The following DNAH14 variants were observed in gnomAD, a reference collection of about 807,000 sequenced individuals.
The protein encoded by DNAH14 is dynein axonemal heavy chain 14.
A neutral mutation model predicts 520.9 loss-of-function variants in DNAH14; 478 were observed. The observed-to-expected ratio is 0.92, with a 90% CI of 0.85 to 0.99. DNAH14 has a LOEUF of 0.99. DNAH14 is among the 50% of genes least tolerant of loss of function. The probability of loss-of-function intolerance (pLI) is 0.00; values close to 1 mark genes in which losing one functional copy is unlikely to be tolerated. For missense variants in DNAH14, 4,831 were observed against 5,234.5 expected, an observed-to-expected ratio of 0.92 and a Z score of 2.38; for synonymous variants, 1,581 against 1,757.2, an observed-to-expected ratio of 0.90 and a Z score of 2.51.
At chr1:224,941,719 C>T (rs1196434189) in intron 1 of DNAH14, among the ~76,000 whole-genome samples, 3 of 152,184 alleles carry the variant, frequency 2.0e-5, no homozygotes, top group African/African-American at 7.2e-5. Flanking sequence ...TTTCAGCTTT[C>T]TACATATGGC....
intron 17 of DNAH14, among the ~76,000 whole-genome samples, chr1:225,074,935 T>G (rs554612821): frequency 5.4e-4 from 82 of 152,312 alleles, no homozygotes; most frequent in Middle Eastern, 3.4e-3. Context: ...TATCACTGCT[T>G]GGTGCCCTGG....
At chr1:225,366,806 C>A (rs1326485323) in intron 76 of DNAH14, among the ~76,000 whole-genome samples, 2 of 116,286 alleles carry the variant, frequency 1.7e-5, no homozygotes, top group African/African-American at 5.3e-5. Flanking sequence ...GAGACCTCCT[C>A]TTTTCCCCGA....
chr1:225,197,814 A>G (rs565727949), intron 38 of DNAH14, among the ~76,000 whole-genome samples: 5 of 152,020 alleles, frequency 3.3e-5, no homozygotes, highest in Non-Finnish European at 7.4e-5. Context: ...AAAGGTGTTG[A>G]GTTCTTGATT....
At chr1:225,262,180 C>G (rs1431519120) in intron 46 of DNAH14, among the ~76,000 whole-genome samples, 1 of 149,608 alleles carries the variant, frequency 6.7e-6, no homozygotes, top group Non-Finnish European at 1.5e-5. Context: ...ATTTGCCTGC[C>G]TTTTAATGGG....
chr1:225,336,697 G>A (rs900565365), intron 66 of DNAH14, among the ~76,000 whole-genome samples: 2 of 152,100 alleles, frequency 1.3e-5, no homozygotes, highest in Non-Finnish European at 2.9e-5. Flanking sequence ...GCCAAAATTG[G>A]CCATATAACA....
intron 36 of DNAH14, among the ~76,000 whole-genome samples, chr1:225,178,647 G>T (rs888316238): frequency 6.6e-6 from 1 of 152,192 alleles, no homozygotes; most frequent in Non-Finnish European, 1.5e-5. Flanking sequence ...AGGCAGATGA[G>T]ACTTGCCTCT....
rs1348894761 is a variant in DNAH14, at chr1:224,929,843, C to A, written c.-34+8C>A. 2 of 683,262 alleles carry A rather than the reference C, an allele frequency of 2.9e-6. No individual in the cohort carries two copies. Among genetic ancestry groups the A allele is most frequent in the Admixed American group, 2.1e-5 (1 of 48,688 alleles). 42.3% of individuals were successfully genotyped at this position (683,262 alleles called of 1,614,324 possible). Reference sequence around the variant, plus strand: ...CGGACCACGGCGCGGCGGGTAAGGTCGTCAGCGTCTTCCTGTCAGCGGTCG... The same window carrying A: ...CGGACCACGGCGCGGCGGGTAAGGTAGTCAGCGTCTTCCTGTCAGCGGTCG... On this transcript the variant is annotated splice_region_variant and intron_variant, in intron 1 of 85. Transcript: ENST00000682510.
chr1:225,381,619 G>C (rs2095784856), intron 81 of DNAH14, 40 bp downstream of exon 81: 1 of 1,422,882 alleles, frequency 7.0e-7, no homozygotes, highest in South Asian at 1.4e-5. Flanking sequence ...TTGCTTGCTT[G>C]AAATAAATGT....
chr1:225,146,224 G>A (rs1022819843), intron 30 of DNAH14, among the ~76,000 whole-genome samples: 4 of 151,894 alleles, frequency 2.6e-5, no homozygotes, highest in South Asian at 2.1e-4. Flanking sequence ...GCCCCCAAAC[G>A]TCCCATGAAC....
intron 1 of DNAH14, among the ~76,000 whole-genome samples, chr1:224,942,871 A>G (rs1285141728): frequency 6.6e-6 from 1 of 152,252 alleles, no homozygotes; most frequent in East Asian, 1.9e-4. Flanking sequence ...ATCATGGTGG[A>G]TAAGCTTTTT....
Position 225,079,344 on chromosome 1 carries a change from A to G in DNAH14, c.2562A>G (p.Leu854=). Residue 854 remains leucine (L), a synonymous_variant, in exon 18 of 86, where the codon CTA becomes CTG. Coordinates refer to ENST00000682510, the MANE Select transcript of DNAH14 (RefSeq NM_001367479.1). The part of the protein sequence containing the change: ...LEKEFLTMSQ[L]YSVAKHHQIH... Reference sequence around the variant, plus strand: ...AAGAGTTCTTAACAATGTCTCAGCTATATTCTGTTGCAAAGCATCACCAGA... The same window carrying G: ...AAGAGTTCTTAACAATGTCTCAGCTGTATTCTGTTGCAAAGCATCACCAGA... 1 of 1,550,894 alleles carries G rather than the reference A, an allele frequency of 6.4e-7. No homozygotes were observed. Among genetic ancestry groups the G allele is most frequent in the Non-Finnish European group, 8.7e-7 (1 of 1,146,772 alleles).
chr1:225,243,924 G>A (rs531345469), intron 43 of DNAH14, among the ~76,000 whole-genome samples: 5 of 151,736 alleles, frequency 3.3e-5, no homozygotes, highest in East Asian at 3.9e-4. Flanking sequence ...GCATTGTGCC[G>A]GTTTTCAAAG....
intron 10 of DNAH14, among the ~76,000 whole-genome samples, chr1:225,016,298 C>T (rs146711533): frequency 1.3e-5 from 2 of 152,264 alleles, no homozygotes; most frequent in Non-Finnish European, 2.9e-5. Flanking sequence ...ATTTATTCTT[C>T]ATTTCAGAAG....
At chr1:225,039,692 T>C (rs2067273656) in intron 12 of DNAH14, among the ~76,000 whole-genome samples, 1 of 151,122 alleles carries the variant, frequency 6.6e-6, no homozygotes, top group Non-Finnish European at 1.5e-5. Context: ...TTGGTAAAAG[T>C]AGCCTTGTAC....
At chr1:225,215,342 T>C (rs977998945) in intron 41 of DNAH14, among the ~76,000 whole-genome samples, 2 of 152,202 alleles carry the variant, frequency 1.3e-5, no homozygotes, top group East Asian at 3.9e-4. Flanking sequence ...TGGTAAATTT[T>C]GGAATAAATG....
chr1:225,062,408 G>A (rs538709138), intron 17 of DNAH14, among the ~76,000 whole-genome samples: 1 of 152,224 alleles, frequency 6.6e-6, no homozygotes, highest in African/African-American at 2.4e-5. Flanking sequence ...TTGAAATCAG[G>A]GAAACAAGTG....
chr1:225,049,760 G>A (rs1300047334), intron 15 of DNAH14, among the ~76,000 whole-genome samples: 15 of 134,590 alleles, frequency 1.1e-4, no homozygotes, highest in South Asian at 2.4e-4. Flanking sequence ...TTATCTATCT[G>A]TCTATCTATC....
chr1:224,967,406 T>G (rs765229066), intron 5 of DNAH14, 25 bp from the exon 6 acceptor site: 2 of 1,487,286 alleles, frequency 1.3e-6, no homozygotes, highest in Admixed American at 4.9e-5. Flanking sequence ...ATTAAATTTG[T>G]TTATTATTTT....
chr1:225,287,044 G>A (rs945163812), intron 54 of DNAH14, among the ~76,000 whole-genome samples: 3 of 152,052 alleles, frequency 2.0e-5, no homozygotes, highest in Admixed American at 6.6e-5. Context: ...CTATGGAAAT[G>A]GTAAAAATAT....
Sources: gnomAD v4.1 joint callset for allele counts (sites outside exome capture counted in the v4.1 genomes callset) on GRCh38, gnomAD v4.1.1 for gene constraint, MANE v1.5 for transcripts, NCBI Gene and HGNC (gene_info 2026-07-23, HGNC 2026-07-21) for gene names.